ADAM7: variants seen among roughly 807,000 people sequenced by gnomAD.
The protein encoded by ADAM7 is disintegrin and metalloproteinase domain-containing protein 7.
In ADAM7, 97 loss-of-function variants were observed where a neutral mutation model predicts 102.9. That is an observed-to-expected ratio of 0.94 (90% CI 0.80 to 1.12). ADAM7 has a LOEUF of 1.12. Among genes scored for constraint, ADAM7 ranks in the 50% most tolerant of loss-of-function variants. ADAM7 has a pLI of 0.00. For missense variants in ADAM7, 991 were observed against 908.7 expected, an observed-to-expected ratio of 1.09 and a Z score of -1.16; for synonymous variants, 334 against 304.4, an observed-to-expected ratio of 1.10 and a Z score of -1.01.
intron 9 of ADAM7, 105 bp downstream of exon 9, chr8:24,482,416 G>A: frequency 2.5e-6 from 3 of 1,184,292 alleles, no homozygotes; most frequent in Non-Finnish European, 3.6e-6. Flanking sequence ...TTGACTTTTG[G>A]GTAGCACACA....
intron 10 of ADAM7, among the ~76,000 whole-genome samples, chr8:24,486,604 G>C (rs540863595): frequency 6.6e-6 from 1 of 152,230 alleles, no homozygotes; most frequent in East Asian, 1.9e-4. Flanking sequence ...ATTTCTCGGA[G>C]GCTAGGAAAT....
At chr8:24,471,170 A>G (rs1261928643) in intron 7 of ADAM7, among the ~76,000 whole-genome samples, 1 of 152,166 alleles carries the variant, frequency 6.6e-6, no homozygotes, top group African/African-American at 2.4e-5. Context: ...TTGTACAGCT[A>G]TAGAATGTGT....
At chr8:24,485,567 T>G (rs1290619060) in intron 10 of ADAM7, among the ~76,000 whole-genome samples, 1 of 152,214 alleles carries the variant, frequency 6.6e-6, no homozygotes, top group Non-Finnish European at 1.5e-5. Context: ...TAAACCCATT[T>G]TGTTTAGAGT....
intron 3 of ADAM7, among the ~76,000 whole-genome samples, chr8:24,453,045 T>C (rs1324758352): frequency 9.2e-5 from 14 of 151,560 alleles, no homozygotes; most frequent in Admixed American, 6.6e-4. Context: ...GGCTTCCCTT[T>C]GAGGGTAACC....
At chr8:24,475,992 T>A (rs1053905758) in intron 7 of ADAM7, 4 of 455,968 alleles carry the variant, frequency 8.8e-6, no homozygotes, top group Non-Finnish European at 1.8e-5. Flanking sequence ...AGTGGGTTTT[T>A]AAATTACATA....
At chr8:24,456,843 C>T (rs1409487198) in intron 3 of ADAM7, among the ~76,000 whole-genome samples, 1 of 152,144 alleles carries the variant, frequency 6.6e-6, no homozygotes, top group African/African-American at 2.4e-5. Context: ...GTTCGTTCAT[C>T]CACTCTCCTA....
rs1554536251 is a variant in ADAM7 at position 24,448,659 on chromosome 8, TA to T, written c.233+1398del. Among the ~76,000 whole-genome samples, 7 of 29,302 alleles carry T rather than the reference TA, an allele frequency of 2.4e-4. No homozygotes were observed. In the South Asian group the frequency reaches 6.7e-3, roughly 28 times the overall value. The allele number at this position is 29,302 out of a possible 152,430, so 19.2% of individuals were successfully genotyped here. On this transcript the variant is annotated intron_variant, in intron 3 of 21. Coordinates refer to ENST00000175238, the MANE Select transcript of ADAM7 (RefSeq NM_003817.4). Reference sequence around the variant, plus strand: ...CCCTCTAAGTTTCATTCAGCTTGTTTATTATTATTATTATTATTATTATTAT... The same window carrying T: ...CCCTCTAAGTTTCATTCAGCTTGTTTTTATTATTATTATTATTATTATTAT...
intron 9 of ADAM7, among the ~76,000 whole-genome samples, chr8:24,482,910 T>C (rs1414169883): frequency 6.6e-6 from 1 of 152,180 alleles, no homozygotes; most frequent in African/African-American, 2.4e-5. Context: ...TTACATTTTT[T>C]ATCAGCATCC....
At chr8:24,466,503 A>T (rs1819429942) in intron 5 of ADAM7, among the ~76,000 whole-genome samples, 1 of 152,096 alleles carries the variant, frequency 6.6e-6, no homozygotes, top group South Asian at 2.1e-4. Flanking sequence ...TTTTGCAATA[A>T]CTCTTAAGAC....
chr8:24,484,704 G>A (rs1453445985), intron 9 of ADAM7, among the ~76,000 whole-genome samples: 1 of 151,774 alleles, frequency 6.6e-6, no homozygotes. Context: ...GGGCAGAGTA[G>A]ACTAAAGTAA....
intron 4 of ADAM7, among the ~76,000 whole-genome samples, chr8:24,465,031 C>A (rs746003066): frequency 6.6e-6 from 1 of 152,172 alleles, no homozygotes; most frequent in African/African-American, 2.4e-5. Flanking sequence ...GTGATCCACC[C>A]GCCTTGGCCT....
intron 3 of ADAM7, 118 bp downstream of exon 3, chr8:24,447,380 T>C (rs979238567): frequency 1.1e-5 from 5 of 460,784 alleles, no homozygotes; most frequent in Middle Eastern, 6.3e-4. Flanking sequence ...AATCTGAATT[T>C]TTCCTCTTCA....
At chr8:24,489,080 C>G in intron 11 of ADAM7, 79 bp from the exon 12 acceptor site, 1 of 1,305,300 alleles carries the variant, frequency 7.7e-7, no homozygotes, top group South Asian at 1.7e-5. Flanking sequence ...TTTTCAAATG[C>G]TTCATAAAAT....
chr8:24,469,865 A>G (rs936246874), intron 7 of ADAM7, among the ~76,000 whole-genome samples: 1 of 152,162 alleles, frequency 6.6e-6, no homozygotes, highest in Admixed American at 6.5e-5. Flanking sequence ...ATGTGAAGAA[A>G]GAATTAGTGA....
chr8:24,505,276 A>G lies in ADAM7; in HGVS notation c.2209-2204A>G, dbSNP rs572269473. ...GATGAATAACCATAGAGCGTAGGAC[A>G]TATTTGTTATGATTATAGATCCTAA... On this transcript the variant is annotated intron_variant, in intron 20 of 21. Transcript: ENST00000175238. Among the ~76,000 whole-genome samples, 18 of 152,266 alleles carry G rather than the reference A, an allele frequency of 1.2e-4. No homozygotes were observed. In the East Asian group the frequency reaches 2.1e-3, roughly 18 times the overall value.
chr8:24,473,576 G>A (rs978671676), intron 7 of ADAM7, among the ~76,000 whole-genome samples: 1 of 152,128 alleles, frequency 6.6e-6, no homozygotes, highest in Non-Finnish European at 1.5e-5. Context: ...ATCAACATTG[G>A]AGGAAACTTA....
chr8:24,458,009 T>A (rs1213275813), intron 3 of ADAM7, among the ~76,000 whole-genome samples: 1 of 152,190 alleles, frequency 6.6e-6, no homozygotes, highest in Non-Finnish European at 1.5e-5. Flanking sequence ...TCGGCCAAAA[T>A]CAAATGACTA....
intron 21 of ADAM7, 144 bp from the exon 22 acceptor site, chr8:24,508,402 G>A: frequency 1.3e-6 from 1 of 756,324 alleles, no homozygotes; most frequent in Non-Finnish European, 2.2e-6. Flanking sequence ...AATGGCTAGG[G>A]AGATCTATAA....
intron 3 of ADAM7, among the ~76,000 whole-genome samples, chr8:24,450,786 T>C (rs1284111225): frequency 6.6e-6 from 1 of 152,122 alleles, no homozygotes; most frequent in Non-Finnish European, 1.5e-5. Flanking sequence ...GGCTGTGGGT[T>C]TGTCATGGAT....
Sources: allele counts gnomAD v4.1 joint callset (sites outside exome capture counted in the v4.1 genomes callset), GRCh38; gene constraint gnomAD v4.1.1; transcripts MANE v1.5; gene names NCBI Gene and HGNC (gene_info 2026-07-23, HGNC 2026-07-21).